Variants in MPHOSPH10 observed in about 807,000 individuals in gnomAD.
MPHOSPH10 encodes M-phase phosphoprotein 10.
MPHOSPH10 carries 33 observed loss-of-function variants against 77.3 expected under a neutral mutation model. That is an observed-to-expected ratio of 0.43 (90% CI 0.32 to 0.57). The LOEUF (loss-of-function observed/expected upper bound fraction) is 0.57, where lower values mean the gene tolerates loss of function less well. Among genes scored for constraint, MPHOSPH10 ranks in the 20% least tolerant of loss-of-function variants. The pLI is 0.07. For missense variants in MPHOSPH10, 708 were observed against 780.1 expected, an observed-to-expected ratio of 0.91 and a Z score of 1.10; for synonymous variants, 245 against 268.0, an observed-to-expected ratio of 0.91 and a Z score of 0.84.
In MPHOSPH10 at chr2:71,138,642, C is replaced by T. The variant is rs1044411487; in HGVS notation, c.1240+11C>T. 1.6e-5 allele frequency: 26 copies of T among 1,613,924 alleles called. No homozygotes were observed. Among genetic ancestry groups the T allele is most frequent in the African/African-American group, 6.7e-5 (5 of 74,898 alleles). On this transcript the variant is annotated intron_variant, in intron 5 of 10. Transcript: ENST00000244230. The stretch of plus-strand genomic sequence containing the variant: ...ATGCTGTCCGGATGGGTATGGTGCC[C>T]TCTTCTGTAGTTTTCATGTCTGTGC...
At chr2:71,136,701 C>T (rs1040316961) in intron 4 of MPHOSPH10, among the ~76,000 whole-genome samples, 3 of 151,992 alleles carry the variant, frequency 2.0e-5, no homozygotes, top group Non-Finnish European at 4.4e-5. Flanking sequence ...TCCTTCCACC[C>T]CACTCCTCCC....
chr2:71,144,618 A>G (rs992858116), intron 8 of MPHOSPH10, 80 bp downstream of exon 8: 3 of 1,069,586 alleles, frequency 2.8e-6, no homozygotes, highest in Non-Finnish European at 4.2e-6. Context: ...CTAGCTCTTT[A>G]TTTTGTTTCA....
In MPHOSPH10 at chr2:71,130,719, C is replaced by T. The variant is rs1228560402; in HGVS notation, c.54C>T (p.Val18=). 2 of 1,610,796 alleles carry T rather than the reference C, an allele frequency of 1.2e-6. No individual in the cohort carries two copies. The highest frequency in any genetic ancestry group is 1.3e-5 in the African/African-American group (1 of 74,874). The part of the protein sequence containing the change: ...RRTLERCLTE[V]GKATGRPECF... ...CCCTGGAGCGGTGTCTGACGGAAGT[C>T]GGCAAAGCCACGGGTCGGCCCGAGT... The change falls in exon 1 of 11, where the codon GTC becomes GTT. Residue 18 remains valine, a synonymous_variant. Transcript: ENST00000244230.
In MPHOSPH10 at chr2:71,141,260, A is replaced by C. The variant is rs923001064; in HGVS notation, c.1337A>C (p.Lys446Thr). The C allele has an allele frequency of 2.0e-6, 3 of 1,532,510 alleles. No individual in the cohort carries two copies. The African/African-American group carries it at 4.2e-5, about 21-fold the overall frequency. The allele number at this position is 1,532,510 out of a possible 1,614,324, so 94.9% of individuals were successfully genotyped here. Residue 446 changes from lysine to threonine, a missense_variant, in exon 7 of 11, where the codon AAA becomes ACA. Around this residue, in one of 3 missense-constraint regions of MPHOSPH10, gnomAD observed 263 missense variants for 320.0 expected, o/e 0.82. Coordinates refer to ENST00000244230, the MANE Select transcript of MPHOSPH10 (RefSeq NM_005791.3). ...QAWDDVVRKE[K>T]PKEDAYEYKK... ...TGGGATGATGTAGTACGTAAAGAAA[A>C]ACCTAAAGAGGATGCATATGAATAT...
At chr2:71,145,906 C>T (rs4852762) in intron 8 of MPHOSPH10, among the ~76,000 whole-genome samples, 67,311 of 152,172 alleles carry the variant, frequency 0.44, 16,005 homozygotes, top group Non-Finnish European at 0.54. Flanking sequence ...ACGCCTTTCC[C>T]TCCTTGCAGA....
At chr2:71,147,293 T>G (rs994407321) in intron 8 of MPHOSPH10, among the ~76,000 whole-genome samples, 1 of 152,184 alleles carries the variant, frequency 6.6e-6, no homozygotes, top group Non-Finnish European at 1.5e-5. Flanking sequence ...AATGGTTGTT[T>G]GAGAATGTCC....
intron 7 of MPHOSPH10, among the ~76,000 whole-genome samples, chr2:71,142,248 C>A (rs1673627189): frequency 6.6e-6 from 1 of 152,160 alleles, no homozygotes; most frequent in Admixed American, 6.5e-5. Context: ...CAGTTAGCAA[C>A]AGCAAATTGC....
In MPHOSPH10 at chr2:71,130,751, T is replaced by G. The variant is rs770141068; in HGVS notation, c.86T>G (p.Leu29Arg). Residue 29 changes from leucine (L) to arginine (R), a missense_variant, in exon 1 of 11, where the codon CTC (leucine) becomes CGC (arginine). Coordinates refer to ENST00000244230, the MANE Select transcript of MPHOSPH10 (RefSeq NM_005791.3). Reference protein sequence around the residue: ...GKATGRPECFLTIQEGLASKF... With the variant: ...GKATGRPECFRTIQEGLASKF... ...GCCACGGGTCGGCCCGAGTGCTTCC[T>G]CACGTAAGTGCGCAGATCCCGGGCT... The G allele has an allele frequency of 6.2e-7, 1 of 1,607,540 alleles. No individual in the cohort carries two copies. The highest frequency in any genetic ancestry group is 1.7e-5 in the Admixed American group (1 of 59,842).
At chr2:71,146,800 T>G (rs1438758111) in intron 8 of MPHOSPH10, among the ~76,000 whole-genome samples, 1 of 152,226 alleles carries the variant, frequency 6.6e-6, no homozygotes. Context: ...TCCTATTGTG[T>G]TTATGGCTTG....
chr2:71,146,020 T>A (rs926867004), intron 8 of MPHOSPH10, among the ~76,000 whole-genome samples: 14 of 152,336 alleles, frequency 9.2e-5, no homozygotes, highest in Admixed American at 7.8e-4. Flanking sequence ...TTTGCAGTCA[T>A]TCGCTAGTTG....
chr2:71,149,554 C>A, intron 10 of MPHOSPH10, 101 bp downstream of exon 10: 1 of 1,110,630 alleles, frequency 9.0e-7, no homozygotes, highest in Non-Finnish European at 1.3e-6. Flanking sequence ...GACAGCCCAC[C>A]TGCGGGATAG....
rs13404842 is a variant in MPHOSPH10 at position 71,135,984 on chromosome 2, C to T, written c.1098+1187C>T. Among the ~76,000 whole-genome samples, 353 of 152,270 alleles carry T rather than the reference C, an allele frequency of 2.3e-3. 1 individual carries two copies. Among genetic ancestry groups the T allele is most frequent in the African/African-American group, 7.4e-3 (308 of 41,548 alleles). On this transcript the variant is annotated intron_variant, in intron 4 of 10. Coordinates refer to ENST00000244230, the MANE Select transcript of MPHOSPH10 (RefSeq NM_005791.3). The stretch of plus-strand genomic sequence containing the variant: ...CCTCCCAAAGTGCTGGGATTACAGG[C>T]GTGAGCCACTGCGCCCAGCGGATAC...
chr2:71,135,643 C>CA (rs113083349), intron 4 of MPHOSPH10, among the ~76,000 whole-genome samples: 44,769 of 151,202 alleles, frequency 0.3, 6,784 homozygotes, highest in Admixed American at 0.39. Context: ...GTCCTGTGAG[C>CA]ATCTTAACTG....
intron 4 of MPHOSPH10, among the ~76,000 whole-genome samples, chr2:71,136,957 CACAG>C (rs1200600382): frequency 5.6e-5 from 7 of 124,868 alleles, no homozygotes; most frequent in Admixed American, 8.9e-5. Flanking sequence ...CACACACACA[CACAG>C]AGCACAGTCT....
chr2:71,138,620 C>A lies in MPHOSPH10; in HGVS notation c.1229C>A (p.Ala410Asp), dbSNP rs1365685146. 6.2e-7 allele frequency: 1 copy of A among 1,614,104 alleles called. No homozygotes were observed. Among genetic ancestry groups the A allele is most frequent in the African/African-American group, 1.3e-5 (1 of 74,936 alleles). Reference sequence around the variant, plus strand: ...GAGGAGACCCTACACTTTGACCATGCTGTCCGGATGGGTATGGTGCCCTCT... The same window carrying A: ...GAGGAGACCCTACACTTTGACCATGATGTCCGGATGGGTATGGTGCCCTCT... Reference protein sequence around the residue: ...LLEETLHFDHAVRMAPVITEE... With the variant: ...LLEETLHFDHDVRMAPVITEE... Residue 410 changes from alanine (A) to aspartate (D), a missense_variant, in exon 5 of 11, where the codon GCT becomes GAT. By Grantham distance (126) the Ala-to-Asp change is moderately radical. Transcript: ENST00000244230.
chr2:71,143,943 T>A (rs78402458), intron 7 of MPHOSPH10, among the ~76,000 whole-genome samples: 556 of 152,362 alleles, frequency 3.6e-3, no homozygotes, highest in Non-Finnish European at 6.0e-3. Flanking sequence ...CTCCTGGTTG[T>A]ACACCTAGGA....
At chr2:71,138,719 C>A in intron 5 of MPHOSPH10, 88 bp downstream of exon 5, 1 of 1,554,522 alleles carries the variant, frequency 6.4e-7, no homozygotes, top group East Asian at 2.3e-5. Flanking sequence ...TTTCTTTTCC[C>A]TCAACTTTTT....
At position 71,150,067 on chromosome 2, in the gene MPHOSPH10, T is replaced by G; in HGVS notation, c.*52T>G. 1 of 982,288 alleles carries G rather than the reference T, an allele frequency of 1.0e-6. No homozygotes were observed. Among genetic ancestry groups the G allele is most frequent in the Non-Finnish European group, 1.4e-6 (1 of 712,100 alleles). The allele number at this position is 982,288 out of a possible 1,614,324, so 60.8% of individuals were successfully genotyped here. On this transcript the variant is annotated 3_prime_UTR_variant, in exon 11 of 11. Transcript: ENST00000244230. ...AATGTGTAAGCTTATATTGTGTCAT[T>G]GTTCTGTTTTATAATAAAATTCTTG... is the stretch of plus-strand genomic sequence containing the variant.
intron 7 of MPHOSPH10, chr2:71,144,168 G>T (rs1159193899): frequency 3.8e-6 from 1 of 263,360 alleles, no homozygotes; most frequent in Non-Finnish European, 7.2e-6. Context: ...TTTGACAGAA[G>T]TAAATACCAA....
Sources: allele counts gnomAD v4.1 joint callset (sites outside exome capture counted in the v4.1 genomes callset), GRCh38; gene constraint gnomAD v4.1.1; regional missense constraint gnomAD v4.1.1; transcripts MANE v1.5; gene names NCBI Gene and HGNC (gene_info 2026-07-23, HGNC 2026-07-21).